Variants in COL6A5 observed in about 807,000 individuals in gnomAD.
COL6A5 encodes the protein collagen alpha-5(VI) chain.
COL6A5 carries 48 observed loss-of-function variants against 65.6 expected under a neutral mutation model. The ratio of observed to expected loss-of-function variants is 0.73; its 90% confidence interval spans 0.58 to 0.93. The LOEUF (loss-of-function observed/expected upper bound fraction) is 0.93. Among genes scored for constraint, COL6A5 ranks in the 40% least tolerant of loss-of-function variants. The probability of loss-of-function intolerance (pLI) is 0.00; values close to 1 mark genes in which losing one functional copy is unlikely to be tolerated. For synonymous variants in COL6A5, 291 were observed against 322.8 expected (o/e 0.90, Z 1.05); for missense variants, 914 against 928.3 (o/e 0.98, Z 0.20).
At chr3:130,391,833 C>G in intron 7 of COL6A5, 79 bp downstream of exon 7, 1 of 1,057,852 alleles carries the variant, frequency 9.5e-7, no homozygotes, top group South Asian at 1.7e-5. Flanking sequence ...TCTCAGGTCT[C>G]CGATTACCTG....
At chr3:130,411,548 T>G (rs1305949521) in intron 20 of COL6A5, among the ~76,000 whole-genome samples, 1 of 152,168 alleles carries the variant, frequency 6.6e-6, no homozygotes, top group Non-Finnish European at 1.5e-5. Context: ...GGCTTTCCAG[T>G]GCTTCTGGTA....
chr3:130,440,343 C>G lies in COL6A5; in HGVS notation c.761C>G (p.Ser254Ter). The change falls in exon 3 of 8, where the codon TCA (serine) becomes TGA (stop). Residue 254 changes from serine (S) to a stop codon, truncating the protein, a stop_gained. Transcript: ENST00000512836. LOFTEE classifies it high-confidence loss of function. Reference sequence around the variant, plus strand: ...AACATTGCTTCAGACCCTTTAATCTCAGACTCTGGTGATAGGATTGCTTTG... The same window carrying G: ...AACATTGCTTCAGACCCTTTAATCTGAGACTCTGGTGATAGGATTGCTTTG... The G allele has an allele frequency of 6.2e-7, 1 of 1,613,462 alleles. No homozygotes were observed. The highest frequency in any genetic ancestry group is 1.1e-5 in the South Asian group (1 of 91,058).
exon 7 of COL6A5, chr3:130,391,520 C>A (rs1382811826): frequency 1.9e-6 from 3 of 1,551,592 alleles, no homozygotes; most frequent in Non-Finnish European, 2.6e-6. Flanking sequence ...GAAGCAGATG[C>A]TGATTGTCAT....
intron 7 of COL6A5, chr3:130,476,870 C>A (rs1710112962): frequency 2.9e-6 from 2 of 684,628 alleles, no homozygotes; most frequent in East Asian, 2.8e-5. Flanking sequence ...GTCTTTAATT[C>A]TTTTTCTCAC....
chr3:130,354,290 A>G (rs770915010), intron 1 of COL6A5, among the ~76,000 whole-genome samples: 2 of 152,204 alleles, frequency 1.3e-5, no homozygotes, highest in East Asian at 1.9e-4. Flanking sequence ...TAAGAACCTT[A>G]GCGGGAAAAG....
At chr3:130,473,306 TTA>T (rs1710006362) in intron 7 of COL6A5, among the ~76,000 whole-genome samples, 1 of 152,004 alleles carries the variant, frequency 6.6e-6, no homozygotes. Flanking sequence ...TTATGTGGCT[TTA>T]TGCTGAGGGC....
intron 5 of COL6A5, among the ~76,000 whole-genome samples, chr3:130,460,215 A>G (rs981414291): frequency 2.6e-5 from 4 of 152,112 alleles, no homozygotes; most frequent in Non-Finnish European, 2.9e-5. Flanking sequence ...GAATTGTAGC[A>G]ATGTCTGGAT....
At chr3:130,465,893 G>T (rs1263002500) in intron 5 of COL6A5, among the ~76,000 whole-genome samples, 2 of 152,014 alleles carry the variant, frequency 1.3e-5, no homozygotes, top group Non-Finnish European at 2.9e-5. Context: ...GAAAACCATT[G>T]TGTCTAAGAG....
chr3:130,421,302 A>C (rs1485795978), intron 26 of COL6A5, 23 bp from the exon 27 acceptor site: 20 of 1,550,416 alleles, frequency 1.3e-5, no homozygotes, highest in Non-Finnish European at 1.7e-5. Context: ...TGATGTATTT[A>C]TGTTCTGTGC....
exon 6 of COL6A5, chr3:130,469,128 A>C (rs1377323610): frequency 6.2e-7 from 1 of 1,613,124 alleles, no homozygotes; most frequent in East Asian, 2.2e-5. Context: ...CATCATCTCC[A>C]AGACTCTCAA....
At chr3:130,376,456 A>C in exon 3 of COL6A5, 2 of 1,612,266 alleles carry the variant, frequency 1.2e-6, no homozygotes, top group Non-Finnish European at 1.7e-6. Flanking sequence ...ATGCTGAACC[A>C]CCTCAAGAAG....
chr3:130,440,299 C>T (rs1387673600), exon 3 of COL6A5: 2 of 1,613,316 alleles, frequency 1.2e-6, no homozygotes, highest in Non-Finnish European at 8.5e-7. Context: ...CCTTGGTGAG[C>T]TCAGTGATTG....
At chr3:130,381,797 C>T (rs955268887) in intron 4 of COL6A5, among the ~76,000 whole-genome samples, 1 of 152,056 alleles carries the variant, frequency 6.6e-6, no homozygotes, top group African/African-American at 2.4e-5. Flanking sequence ...CAGCTTCAAT[C>T]TAATACTGTT....
chr3:130,354,457 A>G (rs904136066), intron 1 of COL6A5, among the ~76,000 whole-genome samples: 5 of 152,076 alleles, frequency 3.3e-5, no homozygotes, highest in African/African-American at 7.2e-5. Flanking sequence ...GTAGAACCCA[A>G]TCCCTTCTTA....
exon 8 of COL6A5, chr3:130,394,947 C>G: frequency 1.3e-6 from 2 of 1,551,590 alleles, no homozygotes; most frequent in Non-Finnish European, 1.7e-6. Flanking sequence ...GACAGGGTAT[C>G]TAATTCAGAT....
At chr3:130,478,473 A>C (rs1427553379) in intron 7 of COL6A5, among the ~76,000 whole-genome samples, 1 of 152,074 alleles carries the variant, frequency 6.6e-6, no homozygotes, top group Non-Finnish European at 1.5e-5. Flanking sequence ...AAGATTTTCC[A>C]ATGCATGGAT....
At chr3:130,471,998 G>A in intron 7 of COL6A5, 72 bp downstream of exon 40, 2 of 1,379,886 alleles carry the variant, frequency 1.4e-6, no homozygotes, top group African/African-American at 1.4e-5. Context: ...TGGAAGATGA[G>A]CAGTTAGAAT....
At position 130,454,279 on chromosome 3, in the gene COL6A5, G is replaced by T. The variant is rs148676822; in HGVS notation, c.1333-1176G>T. Among the ~76,000 whole-genome samples, 1,197 of 152,156 alleles carry T rather than the reference G, an allele frequency of 7.9e-3. 16 individuals are homozygous for T. The highest frequency in any genetic ancestry group is 0.027 in the African/African-American group (1,134 of 41,522). ...ACATTGGTAAAATATATAAAATATG[G>T]TGCATGCTGCAGAAGAACGTCTACA... On this transcript the variant is annotated intron_variant, in intron 4 of 7. Transcript: ENST00000512836.
chr3:130,451,489 A>G (rs1044861743), intron 4 of COL6A5, among the ~76,000 whole-genome samples: 5 of 152,072 alleles, frequency 3.3e-5, no homozygotes, highest in African/African-American at 7.2e-5. Flanking sequence ...AGGAACCGAA[A>G]CGACAGAAGG....
Sources: allele counts gnomAD v4.1 joint callset (sites outside exome capture counted in the v4.1 genomes callset), GRCh38; gene constraint gnomAD v4.1.1; transcripts MANE v1.5; gene names NCBI Gene and HGNC (gene_info 2026-07-23, HGNC 2026-07-21).